Variants in FAM13C observed in about 807,000 individuals in gnomAD.
FAM13C encodes the protein family with sequence similarity 13 member C.
Under a neutral mutation model 73.2 loss-of-function variants are expected in FAM13C, and 37 were observed. That is an observed-to-expected ratio of 0.51 (90% CI 0.39 to 0.67). The LOEUF (loss-of-function observed/expected upper bound fraction) is 0.67. Among genes scored for constraint, FAM13C ranks in the 30% least tolerant of loss-of-function variants. The pLI is 0.00. For missense variants in FAM13C, 589 were observed against 715.6 expected (o/e 0.82, Z 2.02); for synonymous variants, 246 against 260.9 (o/e 0.94, Z 0.55).
intron 10 of FAM13C, among the ~76,000 whole-genome samples, chr10:59,254,943 T>G (rs1841807524): frequency 1.3e-5 from 2 of 152,128 alleles, no homozygotes; most frequent in South Asian, 2.1e-4. Context: ...GTTTTTTTCT[T>G]GGAAGTTTCT....
At chr10:59,270,334 T>C (rs1305342111) in intron 6 of FAM13C, 1 of 535,654 alleles carries the variant, frequency 1.9e-6, no homozygotes, top group Non-Finnish European at 3.3e-6. Flanking sequence ...ACAAATAAGT[T>C]TGGTATGAGT....
chr10:59,326,069 C>A (rs1364456133), intron 3 of FAM13C, among the ~76,000 whole-genome samples: 1 of 151,816 alleles, frequency 6.6e-6, no homozygotes, highest in Non-Finnish European at 1.5e-5. Flanking sequence ...AGTATTTTAT[C>A]TAACTCTTTG....
chr10:59,338,991 T>C (rs1237762530), intron 3 of FAM13C, among the ~76,000 whole-genome samples: 3 of 152,182 alleles, frequency 2.0e-5, no homozygotes, highest in Non-Finnish European at 2.9e-5. Context: ...AGCAGGGCCA[T>C]GCTCTCTCCA....
chr10:59,304,821 G>T (rs1185923700), intron 4 of FAM13C, among the ~76,000 whole-genome samples: 1 of 31,482 alleles, frequency 3.2e-5, no homozygotes, highest in Admixed American at 3.0e-4. Context: ...AAGGAAAGGG[G>T]AAGGGGAGGG....
chr10:59,334,400 C>T (rs932513531), intron 3 of FAM13C, among the ~76,000 whole-genome samples: 1 of 152,086 alleles, frequency 6.6e-6, no homozygotes, highest in Non-Finnish European at 1.5e-5. Context: ...TATGTCAAAA[C>T]TTACTGGGTA....
At chr10:59,346,461 C>T (rs1854303133) in intron 3 of FAM13C, among the ~76,000 whole-genome samples, 1 of 152,148 alleles carries the variant, frequency 6.6e-6, no homozygotes, top group Admixed American at 6.5e-5. Flanking sequence ...TGATATACAC[C>T]AGACCAAACA....
chr10:59,249,408 G>GA (rs71006241), intron 13 of FAM13C, among the ~76,000 whole-genome samples: 69,037 of 99,364 alleles, frequency 0.69, 23,714 homozygotes, highest in East Asian at 0.82. Context: ...CGTCTCAAAA[G>GA]AAAAAAAAAA....
chr10:59,321,009 T>C (rs1850167255), intron 4 of FAM13C, among the ~76,000 whole-genome samples: 1 of 152,158 alleles, frequency 6.6e-6, no homozygotes, highest in South Asian at 2.1e-4. Context: ...ATATGTGCCA[T>C]ATGAGAGTCT....
rs766786168 is a variant in FAM13C at position 59,362,538 on chromosome 10, A to G, written c.-78T>C. Reference sequence around the variant, plus strand: ...GCACATACACAAACATGGCATTGCAAGGCAAGTCTCCGGGCTCGCCCGGCA... The same window carrying G: ...GCACATACACAAACATGGCATTGCAGGGCAAGTCTCCGGGCTCGCCCGGCA... On this transcript the variant is annotated 5_prime_UTR_variant, in exon 1 of 14. Coordinates refer to ENST00000618804, the MANE Select transcript of FAM13C (RefSeq NM_198215.4). The G allele has an allele frequency of 1.3e-6, 2 of 1,576,678 alleles. No individual in the cohort carries two copies. The highest frequency in any genetic ancestry group is 2.7e-5 in the African/African-American group (2 of 74,382).
intron 4 of FAM13C, among the ~76,000 whole-genome samples, chr10:59,315,480 G>T (rs753000613): frequency 8.1e-4 from 124 of 152,238 alleles, no homozygotes; most frequent in Middle Eastern, 3.4e-3. Flanking sequence ...CAGGGTGATG[G>T]TATGTCCCCT....
rs1009563926 is a variant in FAM13C at position 59,324,139 on chromosome 10, G to A, written c.325-33C>T. The A allele has an allele frequency of 3.2e-6, 5 of 1,546,088 alleles. No homozygotes were observed. In the African/African-American group the frequency reaches 5.4e-5, roughly 17 times the overall value. ...AAGAAAGAGCAAAAGTAGATGAGCT[G>A]TCAACAGCAATCAGTTCCATAGCAT... On this transcript the variant is annotated intron_variant, in intron 3 of 13. Coordinates refer to ENST00000618804, the MANE Select transcript of FAM13C (RefSeq NM_198215.4).
At chr10:59,291,747 AGATGTTTGG>A (rs545354496) in intron 5 of FAM13C, among the ~76,000 whole-genome samples, 4 of 151,634 alleles carry the variant, frequency 2.6e-5, no homozygotes, top group Admixed American at 2.6e-4. Flanking sequence ...AATAAGAACA[AGATGTTTGG>A]GAGAGAATAA....
intron 4 of FAM13C, among the ~76,000 whole-genome samples, chr10:59,312,272 A>G (rs976034519): frequency 6.6e-6 from 1 of 152,164 alleles, no homozygotes; most frequent in Non-Finnish European, 1.5e-5. Context: ...ACACAAGAAT[A>G]TTTTTCAAGG....
In FAM13C at chr10:59,308,081, C is replaced by T. The variant is rs190539651; in HGVS notation, c.444-5217G>A. On this transcript the variant is annotated intron_variant, in intron 4 of 13. Transcript: ENST00000618804. ...TGAACACTCCCTCCAATTCTCTTGCCGCCTGTGTCCAAAACAATAATAGGA... is the reference window on the plus strand; with the variant it reads ...TGAACACTCCCTCCAATTCTCTTGCTGCCTGTGTCCAAAACAATAATAGGA... 6.2e-4 allele frequency among the ~76,000 whole-genome samples: 94 copies of T among 152,194 alleles called. 1 individual carries two copies. The highest frequency in any genetic ancestry group is 5.8e-4 in the East Asian group (3 of 5,174).
Position 59,270,592 on chromosome 10 carries a change from G to C in FAM13C, c.593-483C>G, listed in dbSNP as rs1016281951. Among the ~76,000 whole-genome samples, 10 of 152,230 alleles carry C rather than the reference G, an allele frequency of 6.6e-5. No homozygotes were observed. In the East Asian group the frequency reaches 1.9e-3, roughly 29 times the overall value. On this transcript the variant is annotated intron_variant, in intron 6 of 13. Transcript: ENST00000618804. ...GGAAGAGAGGGGAGAGGAGTCCCCA[G>C]AAAGAAAATTATTCAGCAATCATCA...
intron 1 of FAM13C, among the ~76,000 whole-genome samples, chr10:59,358,871 T>G (rs968054665): frequency 3.3e-5 from 5 of 152,196 alleles, no homozygotes; most frequent in African/African-American, 1.2e-4. Flanking sequence ...AAGAACACAA[T>G]TCCAAGCTCA....
chr10:59,312,599 A>G (rs1209214081), intron 4 of FAM13C, among the ~76,000 whole-genome samples: 3 of 152,166 alleles, frequency 2.0e-5, no homozygotes, highest in South Asian at 4.1e-4. Context: ...ACAAAATCCA[A>G]GGATCAACAC....
chr10:59,280,032 C>T (rs1304468776), intron 6 of FAM13C, among the ~76,000 whole-genome samples: 1 of 152,156 alleles, frequency 6.6e-6, no homozygotes, highest in Non-Finnish European at 1.5e-5. Context: ...AATCCCATGG[C>T]TTAATCACCT....
chr10:59,320,911 C>G (rs779123283), intron 4 of FAM13C, among the ~76,000 whole-genome samples: 1 of 152,178 alleles, frequency 6.6e-6, no homozygotes, highest in Non-Finnish European at 1.5e-5. Flanking sequence ...CTTGATTTAA[C>G]AGTTCTGAAT....
Sources: allele counts gnomAD v4.1 joint callset (sites outside exome capture counted in the v4.1 genomes callset), GRCh38; gene constraint gnomAD v4.1.1; transcripts MANE v1.5; gene names NCBI Gene and HGNC (gene_info 2026-07-23, HGNC 2026-07-21).